The following CCDC170 variants were observed in gnomAD, a reference collection of about 807,000 sequenced individuals.
The protein encoded by CCDC170 is coiled-coil domain-containing protein 170.
CCDC170 carries 69 observed loss-of-function variants against 72.6 expected under a neutral mutation model. That is an observed-to-expected ratio of 0.95 (90% CI 0.78 to 1.16). The LOEUF (loss-of-function observed/expected upper bound fraction) is 1.16, where lower values mean the gene tolerates loss of function less well. CCDC170 is among the 50% of genes most tolerant of loss of function. The probability of loss-of-function intolerance (pLI) is 0.00; values close to 1 mark genes in which losing one functional copy is unlikely to be tolerated. For synonymous variants in CCDC170, 300 were observed against 303.9 expected (o/e 0.99, Z 0.13); for missense variants, 852 against 832.5 (o/e 1.02, Z -0.29).
intron 4 of CCDC170, 106 bp downstream of exon 4, chr6:151,544,822 A>G: frequency 9.6e-7 from 1 of 1,037,356 alleles, no homozygotes; most frequent in Non-Finnish European, 1.4e-6. Context: ...AGAATGGCAC[A>G]GTAGACCAAG....
At chr6:151,616,846 C>CACTAAT (rs1776975751) in intron 10 of CCDC170, among the ~76,000 whole-genome samples, 1 of 152,110 alleles carries the variant, frequency 6.6e-6, no homozygotes. Flanking sequence ...CTCTCCGGGG[C>CACTAAT]CTCTTTTATA....
At chr6:151,518,779 A>G (rs762274966) in intron 1 of CCDC170, among the ~76,000 whole-genome samples, 4 of 152,208 alleles carry the variant, frequency 2.6e-5, no homozygotes, top group Non-Finnish European at 4.4e-5. Context: ...ACATATCGGT[A>G]GGACCATGAT....
intron 9 of CCDC170, among the ~76,000 whole-genome samples, chr6:151,599,267 C>G (rs867758295): frequency 3.3e-5 from 5 of 152,292 alleles, no homozygotes; most frequent in Middle Eastern, 3.4e-3. Flanking sequence ...AAGGATATGG[C>G]AAAATCAGAG....
In CCDC170 at chr6:151,512,152, G is replaced by GTTTT. The variant is rs1247040921; in HGVS notation, c.57+17973_57+17976dup. ...AAGCCACTGCACCCAGCAGTATACC[G>GTTTT]TTTTTTTTTGTTTTTTTTTTTTTTT... On this transcript the variant is annotated intron_variant, in intron 1 of 10. Transcript: ENST00000239374. 8.3e-4 allele frequency among the ~76,000 whole-genome samples: 115 copies of GTTTT among 138,410 alleles called. 1 individual carries two copies. Among genetic ancestry groups the GTTTT allele is most frequent in the African/African-American group, 3.1e-3 (109 of 35,012 alleles). 90.8% of individuals were successfully genotyped at this position (138,410 alleles called of 152,430 possible).
At chr6:151,506,108 A>C (rs1346587219) in intron 1 of CCDC170, among the ~76,000 whole-genome samples, 1 of 152,202 alleles carries the variant, frequency 6.6e-6, no homozygotes, top group Non-Finnish European at 1.5e-5. Context: ...TCTCTAAAAA[A>C]TAAATAGAGA....
chr6:151,568,006 A>G (rs1380449113), intron 5 of CCDC170, among the ~76,000 whole-genome samples: 1 of 142,234 alleles, frequency 7.0e-6, no homozygotes, highest in Non-Finnish European at 1.5e-5. Context: ...GCTACTCGGT[A>G]GGCTGAGGCA....
chr6:151,602,929 TTGC>T (rs1413217901), intron 9 of CCDC170, among the ~76,000 whole-genome samples: 2 of 152,060 alleles, frequency 1.3e-5, no homozygotes, highest in Admixed American at 1.3e-4. Context: ...GCCTCTTGAG[TTGC>T]TGGGATTACA....
At chr6:151,526,099 C>T (rs868780804) in intron 1 of CCDC170, among the ~76,000 whole-genome samples, 4 of 119,440 alleles carry the variant, frequency 3.3e-5, no homozygotes, top group Middle Eastern at 4.0e-3. Context: ...TTCCTTTCTT[C>T]CTTCCTTCCT....
intron 6 of CCDC170, among the ~76,000 whole-genome samples, chr6:151,575,712 T>C (rs1327169196): frequency 6.6e-6 from 1 of 151,610 alleles, no homozygotes; most frequent in African/African-American, 2.4e-5. Context: ...GTATTTTTAG[T>C]AGAGACGGGG....
At chr6:151,551,296 A>G (rs751462962) in intron 5 of CCDC170, among the ~76,000 whole-genome samples, 1 of 152,198 alleles carries the variant, frequency 6.6e-6, no homozygotes, top group African/African-American at 2.4e-5. Context: ...ATGTCAGCAT[A>G]TTTATCCTGA....
rs79739086 is a variant in CCDC170 at position 151,496,482 on chromosome 6, T to G, written c.57+2297T>G. The stretch of plus-strand genomic sequence containing the variant: ...GGCAGCATTTATTACAATTAAATGT[T>G]CAGTTTGCAAAATACTTTATCTGAG... On this transcript the variant is annotated intron_variant, in intron 1 of 10. Coordinates refer to ENST00000239374, the MANE Select transcript of CCDC170 (RefSeq NM_025059.4). Among the ~76,000 whole-genome samples the G allele has an allele frequency of 6.5e-3, 991 of 152,332 alleles. 13 individuals are homozygous for G. The highest frequency in any genetic ancestry group is 0.023 in the African/African-American group (963 of 41,556).
chr6:151,546,638 G>T (rs1229692308), intron 4 of CCDC170, among the ~76,000 whole-genome samples: 2 of 152,010 alleles, frequency 1.3e-5, no homozygotes, highest in Non-Finnish European at 2.9e-5. Context: ...CAGACAGCTC[G>T]GGTCAGCCCC....
intron 5 of CCDC170, among the ~76,000 whole-genome samples, chr6:151,561,759 T>G (rs1372751764): frequency 6.6e-6 from 1 of 152,066 alleles, no homozygotes; most frequent in East Asian, 1.9e-4. Context: ...GTCAACCTCT[T>G]TAGCAAGATT....
At chr6:151,510,770 T>C (rs771249188) in intron 1 of CCDC170, among the ~76,000 whole-genome samples, 1 of 151,946 alleles carries the variant, frequency 6.6e-6, no homozygotes, top group Non-Finnish European at 1.5e-5. Context: ...GAGTCTCGCT[T>C]TGTCACCCAG....
In CCDC170 at chr6:151,548,460, T is replaced by C. The variant is rs1782814699; in HGVS notation, c.745T>C (p.Cys249Arg). The C allele has an allele frequency of 1.3e-6, 2 of 1,586,298 alleles. No individual in the cohort carries two copies. The highest frequency in any genetic ancestry group is 8.6e-7 in the Non-Finnish European group (1 of 1,168,074). Residue 249 changes from cysteine to arginine, a missense_variant, in exon 5 of 11, where the codon TGT (cysteine) becomes CGT (arginine). Coordinates refer to ENST00000239374, the MANE Select transcript of CCDC170 (RefSeq NM_025059.4). ...CAGAGAGCAGAAAAAAGCTGCCTCC[T>C]GTACTGAAGAGAAAGAGAAGCTGAA... ...VNREQKKAAS[C>R]TEEKEKLNQD... is the part of the protein sequence containing the mutation.
chr6:151,521,156 C>A (rs1479529755), intron 1 of CCDC170, among the ~76,000 whole-genome samples: 1 of 152,134 alleles, frequency 6.6e-6, no homozygotes, highest in Admixed American at 6.5e-5. Flanking sequence ...TTCCTTCTTA[C>A]CCTCCCCAGC....
At chr6:151,586,996 G>C (rs1776460779) in intron 7 of CCDC170, among the ~76,000 whole-genome samples, 1 of 151,932 alleles carries the variant, frequency 6.6e-6, no homozygotes, top group African/African-American at 2.4e-5. Context: ...GTGTTAGCTG[G>C]GGTGGTCTCG....
At chr6:151,607,457 CT>C (rs1227173310) in intron 9 of CCDC170, among the ~76,000 whole-genome samples, 1 of 152,002 alleles carries the variant, frequency 6.6e-6, no homozygotes, top group Non-Finnish European at 1.5e-5. Context: ...TGTGTATCTG[CT>C]TTAATAGTGA....
rs573771872 is a variant in CCDC170 at position 151,527,230 on chromosome 6, C to T, written c.58-9088C>T. Among the ~76,000 whole-genome samples, 297 of 152,080 alleles carry T rather than the reference C, an allele frequency of 2.0e-3. 3 individuals are homozygous for T. The highest frequency in any genetic ancestry group is 6.9e-3 in the African/African-American group (287 of 41,492). On this transcript the variant is annotated intron_variant, in intron 1 of 10. Transcript: ENST00000239374. Reference sequence around the variant, plus strand: ...AGGATTTTTAACTGAATAAGAGTAACACCCAAGAGAAAAGAGATGGAAAAT... The same window carrying T: ...AGGATTTTTAACTGAATAAGAGTAATACCCAAGAGAAAAGAGATGGAAAAT...
Sources: allele counts gnomAD v4.1 joint callset (sites outside exome capture counted in the v4.1 genomes callset), GRCh38; gene constraint gnomAD v4.1.1; transcripts MANE v1.5; gene names NCBI Gene and HGNC (gene_info 2026-07-23, HGNC 2026-07-21).